Variants in NPHP1 observed in about 807,000 individuals in gnomAD.
The protein encoded by NPHP1 is nephrocystin-1.
NPHP1 carries 70 observed loss-of-function variants against 90.4 expected under a neutral mutation model. The ratio of observed to expected loss-of-function variants is 0.77; its 90% confidence interval spans 0.64 to 0.95. The LOEUF is 0.95. Ranked by LOEUF, NPHP1 falls within the 40% of genes least tolerant of loss-of-function variation. The probability of loss-of-function intolerance (pLI) is 0.00; values close to 1 mark genes in which losing one functional copy is unlikely to be tolerated. For synonymous variants in NPHP1, 256 were observed against 271.7 expected (o/e 0.94, Z 0.57); for missense variants, 764 against 795.9 (o/e 0.96, Z 0.48).
In NPHP1 at chr2:110,123,743, A is replaced by G. The variant is rs1559038472; in HGVS notation, c.*48T>C. ...CATCATTTTATTCACGTAATCGTGG[A>G]GGATCCATCTGATTCCGTGGGAAGC... On this transcript the variant is annotated 3_prime_UTR_variant, in exon 20 of 20. Coordinates refer to ENST00000445609, the MANE Select transcript of NPHP1 (RefSeq NM_001128178.3). 6.3e-7 allele frequency: 1 copy of G among 1,589,928 alleles called. No homozygotes were observed. Among genetic ancestry groups the G allele is most frequent in the East Asian group, 2.2e-5 (1 of 44,778 alleles).
At chr2:110,130,976 A>G (rs1444596858) in intron 17 of NPHP1, among the ~76,000 whole-genome samples, 2 of 152,168 alleles carry the variant, frequency 1.3e-5, no homozygotes, top group Admixed American at 1.3e-4. Flanking sequence ...TGTCTCATTC[A>G]TCACTGGGCC....
chr2:110,143,342 A>G (rs1418742059), intron 16 of NPHP1, among the ~76,000 whole-genome samples, 200 bp downstream of exon 16: 1 of 152,196 alleles, frequency 6.6e-6, no homozygotes, highest in Non-Finnish European at 1.5e-5. Flanking sequence ...ATTTGGTTAG[A>G]AGAGCTAACT....
rs1411070570 is a variant in NPHP1, at chr2:110,169,797, TCTAC to T, written c.522+5_522+8del. The T allele has an allele frequency of 1.1e-5, 18 of 1,596,372 alleles. No individual in the cohort carries two copies. Among genetic ancestry groups the T allele is most frequent in the African/African-American group, 1.3e-5 (1 of 74,604 alleles). ...CCCTTAGGTTAGGTTTCAGTCTTAT[TCTAC>T]CTACCTTAAATGTAAGATCTCCAAC... On this transcript the variant is annotated splice_donor_5th_base_variant and intron_variant, in intron 5 of 19. Transcript: ENST00000445609.
intron 2 of NPHP1, among the ~76,000 whole-genome samples, chr2:110,194,959 C>G (rs190066536): frequency 3.8e-4 from 58 of 152,184 alleles, no homozygotes; most frequent in South Asian, 3.1e-3. Flanking sequence ...ATTTAACAAC[C>G]CTTTATGCTA....
intron 3 of NPHP1, among the ~76,000 whole-genome samples, chr2:110,179,307 T>A (rs964817771): frequency 6.6e-6 from 1 of 152,100 alleles, no homozygotes; most frequent in Non-Finnish European, 1.5e-5. Context: ...ACAAAGAAAT[T>A]AAAATAAAAA....
chr2:110,142,010 AAC>A (rs911645309), intron 16 of NPHP1, among the ~76,000 whole-genome samples: 2 of 151,862 alleles, frequency 1.3e-5, no homozygotes, highest in African/African-American at 4.8e-5. Context: ...GAAAAATGAA[AAC>A]AGTTTGGCAG....
chr2:110,143,598 C>T lies in NPHP1; in HGVS notation c.1473G>A (p.Gln491=). 1 of 1,613,788 alleles carries T rather than the reference C, an allele frequency of 6.2e-7. No homozygotes were observed. Among genetic ancestry groups the T allele is most frequent in the Non-Finnish European group, 8.5e-7 (1 of 1,179,718 alleles). The part of the protein sequence containing the change: ...VFYQIMTMRR[Q]PQLLVKLRSL... ...ATCTCAGTTTCACTAGAAGTTGAGG[C>T]TGCCTTCTCATTGTCATAATCTGGT... is the stretch of plus-strand genomic sequence containing the variant. The change falls in exon 16 of 20, where the codon CAG becomes CAA. Residue 491 remains glutamine (Q), a synonymous_variant. Transcript: ENST00000445609.
intron 2 of NPHP1, among the ~76,000 whole-genome samples, chr2:110,185,759 A>C (rs1684239931): frequency 6.6e-6 from 1 of 152,132 alleles, no homozygotes; most frequent in African/African-American, 2.4e-5. Context: ...AGAGACTGGA[A>C]AGTCAGGAGG....
intron 2 of NPHP1, among the ~76,000 whole-genome samples, chr2:110,188,795 G>C (rs749689675): frequency 3.9e-5 from 6 of 152,102 alleles, no homozygotes; most frequent in Non-Finnish European, 7.4e-5. Context: ...TAAAAGAACA[G>C]ACACATAGGC....
At chr2:110,182,455 C>G (rs1322507858) in intron 2 of NPHP1, among the ~76,000 whole-genome samples, 1 of 152,072 alleles carries the variant, frequency 6.6e-6, no homozygotes, top group Non-Finnish European at 1.5e-5. Context: ...AACCCAAACC[C>G]TATAAGCCAG....
chr2:110,124,281 G>A, intron 19 of NPHP1: 1 of 610,808 alleles, frequency 1.6e-6, no homozygotes, highest in Admixed American at 2.5e-5. Flanking sequence ...CTCCCTGAGA[G>A]CCTCTACGTG....
At chr2:110,134,038 T>C (rs1029748944) in intron 16 of NPHP1, among the ~76,000 whole-genome samples, 1 of 151,858 alleles carries the variant, frequency 6.6e-6, no homozygotes. Flanking sequence ...AAATAAAGAA[T>C]AGAAAAACAA....
chr2:110,184,579 C>G (rs1253391700), intron 2 of NPHP1: 1 of 1,253,298 alleles, frequency 8.0e-7, no homozygotes, highest in Admixed American at 1.7e-5. Flanking sequence ...CAGGGCTTTG[C>G]CATGCCCCAC....
At chr2:110,176,175 C>A (rs1574152882) in intron 4 of NPHP1, among the ~76,000 whole-genome samples, 1 of 152,018 alleles carries the variant, frequency 6.6e-6, no homozygotes, top group Admixed American at 6.6e-5. Flanking sequence ...CATCTCCGAG[C>A]TACTGATTAT....
chr2:110,201,838 C>T (rs1054179594), intron 1 of NPHP1, among the ~76,000 whole-genome samples: 11 of 152,100 alleles, frequency 7.2e-5, no homozygotes, highest in African/African-American at 2.7e-4. Flanking sequence ...CATACATTTG[C>T]TGAGTTTCGA....
At chr2:110,150,330 G>A (rs1158255425) in intron 11 of NPHP1, 74 bp from the exon 12 acceptor site, 1 of 1,342,314 alleles carries the variant, frequency 7.4e-7, no homozygotes, top group Non-Finnish European at 1.1e-6. Flanking sequence ...GTCCCAAAGA[G>A]TTAACAGTGG....
chr2:110,158,645 G>A (rs961368949), intron 11 of NPHP1, among the ~76,000 whole-genome samples: 3 of 151,808 alleles, frequency 2.0e-5, no homozygotes, highest in Non-Finnish European at 4.4e-5. Context: ...TATTTAAGGT[G>A]GGCTTCTTAT....
In NPHP1 at chr2:110,146,756, G is replaced by A. The variant is rs1400723671; in HGVS notation, c.1349C>T (p.Ala450Val). ...TAGGAATATATAGCCAACTTACTTT[G>A]CTGGAATAGGAACTCCACTGGCATC... ...LFDASGVPIP[A>V]KTYELFLNGG... is the part of the protein sequence containing the mutation. Residue 450 changes from alanine to valine, a missense_variant, in exon 14 of 20, where the codon GCA becomes GTA. Physicochemically the swap from Ala to Val is moderately conservative, Grantham distance 64. Transcript: ENST00000445609. The A allele has an allele frequency of 6.2e-7, 1 of 1,608,556 alleles. No homozygotes were observed. Among genetic ancestry groups the A allele is most frequent in the Non-Finnish European group, 8.5e-7 (1 of 1,174,978 alleles).
intron 4 of NPHP1, among the ~76,000 whole-genome samples, chr2:110,176,650 C>A (rs1370409971): frequency 2.0e-5 from 3 of 152,098 alleles, no homozygotes. Flanking sequence ...TGCTTTTAGG[C>A]TCTTTTAGAG....
Sources: gnomAD v4.1 joint callset for allele counts (sites outside exome capture counted in the v4.1 genomes callset) on GRCh38, gnomAD v4.1.1 for gene constraint, MANE v1.5 for transcripts, NCBI Gene and HGNC (gene_info 2026-07-23, HGNC 2026-07-21) for gene names.